Variants in PTGS1 observed in about 807,000 individuals in gnomAD.
PTGS1 encodes prostaglandin-endoperoxide synthase 1.
In PTGS1, 40 loss-of-function variants were observed where a neutral mutation model predicts 63.0. The ratio of observed to expected loss-of-function variants is 0.63; its 90% confidence interval spans 0.49 to 0.83. The LOEUF (loss-of-function observed/expected upper bound fraction) is 0.83, where lower values mean the gene tolerates loss of function less well. Ranked by LOEUF, PTGS1 falls within the 40% of genes least tolerant of loss-of-function variation. The pLI is 0.00. For missense variants in PTGS1, 709 were observed against 786.5 expected, an observed-to-expected ratio of 0.90 and a Z score of 1.18; for synonymous variants, 298 against 301.9, an observed-to-expected ratio of 0.99 and a Z score of 0.13.
At chr9:122,371,471 T>C in intron 2 of PTGS1, 199 bp downstream of exon 2, 3 of 1,243,096 alleles carry the variant, frequency 2.4e-6, no homozygotes, top group Non-Finnish European at 3.2e-6. Context: ...ATGGGCTATC[T>C]AGTTCTTTCA....
At chr9:122,391,347 CTATATATATACAT>C (rs1416003008) in intron 10 of PTGS1, among the ~76,000 whole-genome samples, 3 of 109,564 alleles carry the variant, frequency 2.7e-5, no homozygotes, top group Non-Finnish European at 5.4e-5. Flanking sequence ...TATATATATA[CTATATATATACAT>C]ATATATATAT....
At chr9:122,386,327 G>GCAA in intron 8 of PTGS1, 119 bp from the exon 9 acceptor site, 1 of 1,108,964 alleles carries the variant, frequency 9.0e-7, no homozygotes, top group Non-Finnish European at 1.3e-6. Flanking sequence ...AACATCAACA[G>GCAA]CAACAACAAC....
chr9:122,371,004 G>T, upstream of PTGS1: 2 of 1,522,872 alleles, frequency 1.3e-6, no homozygotes, highest in Non-Finnish European at 1.8e-6. Flanking sequence ...GTGGGGAGGG[G>T]ATGGGCTGGA....
intron 5 of PTGS1, among the ~76,000 whole-genome samples, chr9:122,380,490 T>A (rs1234347046): frequency 4.0e-5 from 6 of 151,178 alleles, no homozygotes; most frequent in African/African-American, 1.2e-4. Flanking sequence ...AATAAATAAA[T>A]AAATAAATAA....
chr9:122,373,050 T>C (rs1290456529), intron 2 of PTGS1, among the ~76,000 whole-genome samples: 1 of 152,022 alleles, frequency 6.6e-6, no homozygotes, highest in South Asian at 2.1e-4. Flanking sequence ...TGCCTCTCAG[T>C]GCGAAGAATT....
rs1837675026 is a variant in PTGS1 at position 122,383,578 on chromosome 9, A to G, written c.832A>G (p.Ile278Val). Residue 278 changes from isoleucine to valine, a missense_variant, in exon 8 of 11, where the codon ATC becomes GTC. Transcript: ENST00000362012. Reference sequence around the variant, plus strand: ...TGTGTTGATGCACTACCCCCGAGGCATCCCGCCCCAGAGCCAGATGGCTGT... The same window carrying G: ...TGTGTTGATGCACTACCCCCGAGGCGTCCCGCCCCAGAGCCAGATGGCTGT... ...APVLMHYPRGIPPQSQMAVGQ... is the reference protein window; with the variant it reads ...APVLMHYPRGVPPQSQMAVGQ... 6.2e-7 allele frequency: 1 copy of G among 1,614,080 alleles called. No homozygotes were observed. The highest frequency in any genetic ancestry group is 1.3e-5 in the African/African-American group (1 of 75,012).
Position 122,392,301 on chromosome 9 carries a change from G to A in PTGS1, c.1557G>A (p.Glu519=). The A allele has an allele frequency of 6.2e-7, 1 of 1,614,116 alleles. No individual in the cohort carries two copies. The highest frequency in any genetic ancestry group is 1.1e-5 in the South Asian group (1 of 91,076). ...GCCATCCAAACTCTATCTTTGGGGA[G>A]AGTATGATAGAGATTGGGGCTCCCT... is the stretch of plus-strand genomic sequence containing the variant. ...EKCHPNSIFG[E]SMIEIGAPFS... Residue 519 remains glutamate (E), a synonymous_variant, in exon 11 of 11, where the codon GAG becomes GAA. Coordinates refer to ENST00000362012, the MANE Select transcript of PTGS1 (RefSeq NM_000962.4).
At chr9:122,391,754 T>C (rs936330539) in intron 10 of PTGS1, among the ~76,000 whole-genome samples, 4 of 152,054 alleles carry the variant, frequency 2.6e-5, no homozygotes, top group Admixed American at 2.0e-4. Context: ...TGAATTTCTG[T>C]GTGAGCTCGG....
intron 3 of PTGS1, 40 bp from the exon 4 acceptor site, chr9:122,378,393 G>A: frequency 5.6e-6 from 9 of 1,609,626 alleles, no homozygotes; most frequent in African/African-American, 1.3e-5. Flanking sequence ...TCTGGTTCTG[G>A]TAGGAGGGAC....
upstream of PTGS1, chr9:122,370,798 G>T: frequency 6.7e-6 from 4 of 593,274 alleles, no homozygotes; most frequent in Non-Finnish European, 1.2e-5. Context: ...TCGTCTCTGA[G>T]CCTCAGTTTC....
chr9:122,371,416 G>T, intron 2 of PTGS1, 144 bp downstream of exon 2: 1 of 1,404,632 alleles, frequency 7.1e-7, no homozygotes, highest in Non-Finnish European at 9.5e-7. Context: ...TCTTTTGGTG[G>T]GATGGGGGCT....
At chr9:122,374,030 C>A (rs954216096) in intron 2 of PTGS1, among the ~76,000 whole-genome samples, 3 of 152,266 alleles carry the variant, frequency 2.0e-5, no homozygotes, top group Non-Finnish European at 4.4e-5. Flanking sequence ...CAGTCCTGGA[C>A]CTGGAGCCCT....
chr9:122,374,449 C>T (rs1836993839), intron 2 of PTGS1, among the ~76,000 whole-genome samples: 1 of 152,134 alleles, frequency 6.6e-6, no homozygotes, highest in Admixed American at 6.5e-5. Context: ...TAAGAGCAGC[C>T]ACTCTCTAAT....
intron 5 of PTGS1, among the ~76,000 whole-genome samples, chr9:122,380,755 G>C (rs1837460184): frequency 6.6e-6 from 1 of 152,090 alleles, no homozygotes; most frequent in South Asian, 2.1e-4. Context: ...CTACCCACTG[G>C]TTCTCTGCCA....
intron 2 of PTGS1, among the ~76,000 whole-genome samples, chr9:122,373,068 G>T (rs762943969): frequency 1.3e-5 from 2 of 152,182 alleles, no homozygotes. Flanking sequence ...ATTGAGGGAG[G>T]CTTCTTGGAT....
At chr9:122,387,228 G>A (rs894957694) in intron 9 of PTGS1, among the ~76,000 whole-genome samples, 5 of 151,928 alleles carry the variant, frequency 3.3e-5, no homozygotes, top group African/African-American at 1.2e-4. Context: ...GGTAAGAGGT[G>A]GTGTTAGTGG....
At chr9:122,371,796 A>G in intron 2 of PTGS1, 1 of 1,534,904 alleles carries the variant, frequency 6.5e-7, no homozygotes, top group Non-Finnish European at 8.7e-7. Flanking sequence ...TCTGGGGTTT[A>G]AGAGATCCCC....
intron 2 of PTGS1, among the ~76,000 whole-genome samples, chr9:122,377,611 G>A (rs770258282): frequency 2.0e-5 from 3 of 152,074 alleles, no homozygotes; most frequent in African/African-American, 7.2e-5. Flanking sequence ...TTCTCCTGCC[G>A]CCGTTTGGTG....
intron 10 of PTGS1, among the ~76,000 whole-genome samples, chr9:122,391,297 A>T (rs1419950278): frequency 7.2e-6 from 1 of 139,620 alleles, no homozygotes; most frequent in Non-Finnish European, 1.5e-5. Flanking sequence ...TATACATATC[A>T]ATACATATAT....
Sources: gnomAD v4.1 joint callset for allele counts (sites outside exome capture counted in the v4.1 genomes callset) on GRCh38, gnomAD v4.1.1 for gene constraint, MANE v1.5 for transcripts, NCBI Gene and HGNC (gene_info 2026-07-23, HGNC 2026-07-21) for gene names.